ENAH: variants seen among roughly 807,000 people sequenced by gnomAD.
The protein encoded by ENAH is protein enabled homolog.
Under a neutral mutation model 78.7 loss-of-function variants are expected in ENAH, and 23 were observed. The ratio of observed to expected loss-of-function variants is 0.29; its 90% CI spans 0.21 to 0.41. The LOEUF is 0.41. Ranked by LOEUF, ENAH falls within the 10% of genes least tolerant of loss-of-function variation. The pLI is 1.00. For missense variants in ENAH, 544 were observed against 691.0 expected (o/e 0.79, Z 2.39); for synonymous variants, 226 against 241.0 (o/e 0.94, Z 0.58).
chr1:225,487,889 T>C lies in ENAH; in HGVS notation c.*9886A>G, dbSNP rs1397150680. On this transcript the variant is annotated 3_prime_UTR_variant, in exon 14 of 14. Transcript: ENST00000366843. The stretch of plus-strand genomic sequence containing the variant: ...CCATAAGAAATTCACTTTTAAATTT[T>C]TTCTACTGTGCTGTTCTACTATATA... 6.6e-6 allele frequency: 1 copy of C among 152,198 alleles called. No homozygotes were observed. Among genetic ancestry groups the C allele is most frequent in the Non-Finnish European group, 1.5e-5 (1 of 68,036 alleles). 9.4% of individuals were successfully genotyped at this position (152,198 alleles called of 1,614,324 possible).
rs565932620 is a variant in ENAH, at chr1:225,521,680, C to T, written c.435-2115G>A. Among the ~76,000 whole-genome samples, 8 of 150,810 alleles carry T rather than the reference C, an allele frequency of 5.3e-5. No homozygotes were observed. The South Asian group carries it at 1.5e-3, about 28-fold the overall frequency. ...AAAAAGTATCTTTATCTTACACATA[C>T]GTATTTCATAGCACTGTGGGGAAGA... is the stretch of plus-strand genomic sequence containing the variant. On this transcript the variant is annotated intron_variant, in intron 4 of 13. Transcript: ENST00000366843.
Position 225,514,859 on chromosome 1 carries a change from G to A in ENAH, c.955C>T (p.Leu319Phe), listed in dbSNP as rs760881130. The A allele has an allele frequency of 2.5e-6, 4 of 1,605,220 alleles. No individual in the cohort carries two copies. Among genetic ancestry groups the A allele is most frequent in the South Asian group, 1.1e-5 (1 of 89,728 alleles). ...GPLAPPPPPP[L>F]PPGPAQASVA... ...GAAGCCTGTGCAGGCCCTGGTGGGA[G>A]TGGTGGAGGAGGTGGAGGTGCAAGT... The change falls in exon 7 of 14, where the codon CTC becomes TTC. Residue 319 changes from leucine to phenylalanine, a missense_variant. Coordinates refer to ENST00000366843, the MANE Select transcript of ENAH (RefSeq NM_018212.6).
intron 3 of ENAH, among the ~76,000 whole-genome samples, chr1:225,532,410 G>A (rs1198975465): frequency 6.6e-6 from 1 of 152,042 alleles, no homozygotes; most frequent in African/African-American, 2.4e-5. Context: ...GCCTCAGGCT[G>A]CTTAAATAAT....
intron 3 of ENAH, among the ~76,000 whole-genome samples, chr1:225,536,375 A>C (rs1372393728): frequency 6.6e-6 from 1 of 151,780 alleles, no homozygotes; most frequent in African/African-American, 2.4e-5. Context: ...AATTGAGATG[A>C]GACAAACAAA....
intron 3 of ENAH, among the ~76,000 whole-genome samples, chr1:225,537,624 C>T (rs751433877): frequency 2.6e-5 from 4 of 152,064 alleles, no homozygotes; most frequent in Non-Finnish European, 5.9e-5. Context: ...TTCAGTAATA[C>T]GATGTTTTCA....
intron 1 of ENAH, among the ~76,000 whole-genome samples, chr1:225,636,891 G>A (rs1660157056): frequency 6.6e-6 from 1 of 151,686 alleles, no homozygotes; most frequent in African/African-American, 2.4e-5. Flanking sequence ...CAAAAACTAT[G>A]AAAAGAGAGA....
intron 3 of ENAH, among the ~76,000 whole-genome samples, chr1:225,537,770 A>C (rs1482614541): frequency 2.0e-5 from 3 of 151,582 alleles, no homozygotes; most frequent in Non-Finnish European, 2.9e-5. Context: ...TGCAGTTGTC[A>C]AACAGCCATC....
chr1:225,541,354 G>C (rs2096587531), intron 3 of ENAH, among the ~76,000 whole-genome samples: 1 of 152,128 alleles, frequency 6.6e-6, no homozygotes, highest in Non-Finnish European at 1.5e-5. Context: ...AGAATTGCTT[G>C]AACCCGGGAG....
intron 1 of ENAH, among the ~76,000 whole-genome samples, chr1:225,575,373 T>C (rs1228514880): frequency 6.6e-6 from 1 of 152,206 alleles, no homozygotes; most frequent in East Asian, 1.9e-4. Context: ...ATCATGCCAC[T>C]CTTCTGGTTA....
chr1:225,625,828 T>A (rs1355379164), intron 1 of ENAH, among the ~76,000 whole-genome samples: 1 of 152,316 alleles, frequency 6.6e-6, no homozygotes, highest in East Asian at 1.9e-4. Flanking sequence ...CTGTATTTTT[T>A]AAATATAACT....
intron 12 of ENAH, among the ~76,000 whole-genome samples, chr1:225,500,096 A>G (rs2096273471): frequency 6.6e-6 from 1 of 152,250 alleles, no homozygotes; most frequent in Non-Finnish European, 1.5e-5. Flanking sequence ...ATATTTTTCA[A>G]GAAAGCCATA....
At chr1:225,544,459 A>T (rs2096603817) in intron 3 of ENAH, among the ~76,000 whole-genome samples, 1 of 152,222 alleles carries the variant, frequency 6.6e-6, no homozygotes, top group Non-Finnish European at 1.5e-5. Flanking sequence ...ACTGCCAGAG[A>T]AACAAGGAAG....
At chr1:225,500,782 C>A (rs1055377240) in intron 12 of ENAH, among the ~76,000 whole-genome samples, 1 of 152,238 alleles carries the variant, frequency 6.6e-6, no homozygotes, top group African/African-American at 2.4e-5. Flanking sequence ...ACCCCACCCT[C>A]CACTACCTCT....
intron 3 of ENAH, among the ~76,000 whole-genome samples, chr1:225,532,774 G>A (rs1366128126): frequency 6.6e-6 from 1 of 151,964 alleles, no homozygotes; most frequent in Non-Finnish European, 1.5e-5. Flanking sequence ...TCAGAAAGGA[G>A]ATTTTTAAAA....
At chr1:225,612,061 A>C (rs2096992739) in intron 1 of ENAH, among the ~76,000 whole-genome samples, 1 of 152,202 alleles carries the variant, frequency 6.6e-6, no homozygotes, top group Admixed American at 6.5e-5. Context: ...CCTATCATGT[A>C]ACCCGGCCAA....
At chr1:225,525,974 C>T (rs1042458147) in intron 4 of ENAH, among the ~76,000 whole-genome samples, 20 of 152,098 alleles carry the variant, frequency 1.3e-4, no homozygotes, top group African/African-American at 4.8e-4. Flanking sequence ...CTGTATACAG[C>T]CCTAGGGCCA....
intron 1 of ENAH, among the ~76,000 whole-genome samples, chr1:225,648,199 G>A (rs898718967): frequency 1.9e-4 from 29 of 152,012 alleles, no homozygotes; most frequent in African/African-American, 6.0e-4. Flanking sequence ...TTTCAAACAA[G>A]GAGGAGAAAA....
intron 1 of ENAH, among the ~76,000 whole-genome samples, chr1:225,637,756 T>A (rs1171536317): frequency 1.3e-5 from 2 of 152,260 alleles, no homozygotes; most frequent in African/African-American, 4.8e-5. Flanking sequence ...GAAACTTTCA[T>A]ATTAAGTTAA....
At chr1:225,596,951 G>A (rs1267271969) in intron 1 of ENAH, among the ~76,000 whole-genome samples, 1 of 152,178 alleles carries the variant, frequency 6.6e-6, no homozygotes, top group Non-Finnish European at 1.5e-5. Context: ...AATTGAACAA[G>A]TGGTCACAGC....
Sources: gnomAD v4.1 joint callset for allele counts (sites outside exome capture counted in the v4.1 genomes callset) on GRCh38, gnomAD v4.1.1 for gene constraint, MANE v1.5 for transcripts, NCBI Gene and HGNC (gene_info 2026-07-23, HGNC 2026-07-21) for gene names.